THADA: variants seen among roughly 807,000 people sequenced by gnomAD.
THADA encodes tRNA (32-2'-O)-methyltransferase regulator THADA.
Under a neutral mutation model 219.8 loss-of-function variants are expected in THADA, and 213 were observed. The observed-to-expected ratio is 0.97, with a 90% confidence interval of 0.87 to 1.09. THADA has a LOEUF of 1.09. Among genes scored for constraint, THADA ranks in the 50% least tolerant of loss-of-function variants. The pLI is 0.00. For synonymous variants in THADA, 1,018 were observed against 828.9 expected, an observed-to-expected ratio of 1.23 and a Z score of -3.92; for missense variants, 2,956 against 2,311.3, an observed-to-expected ratio of 1.28 and a Z score of -5.72.
intron 25 of THADA, among the ~76,000 whole-genome samples, chr2:43,489,874 CAA>C (rs201735523): frequency 1.6e-3 from 89 of 56,046 alleles, no homozygotes; most frequent in African/African-American, 4.4e-3. Context: ...TTAAGATCTG[CAA>C]AAAAAAAAAA....
chr2:43,586,901 C>T lies in THADA; in HGVS notation c.404G>A (p.Arg135Lys). The change falls in exon 5 of 38, where the codon AGG becomes AAG. Residue 135 changes from arginine (R) to lysine (K), a missense_variant. Transcript: ENST00000405975. ...ELNTTDLYSY[R>K]KVTDNISSCM... is the part of the protein sequence containing the mutation. ...GGAAGAAATATTGTCAGTAACTTTC[C>T]TGTAAGAGTATAAGTCAGTAGTATT... 1.2e-6 allele frequency: 2 copies of T among 1,613,834 alleles called. No individual in the cohort carries two copies. The highest frequency in any genetic ancestry group is 1.7e-6 in the Non-Finnish European group (2 of 1,179,848).
chr2:43,291,477 A>AAAAAAAAAAAAAAAAAAAAAAAAC (rs1674709524), intron 34 of THADA, among the ~76,000 whole-genome samples: 1 of 148,860 alleles, frequency 6.7e-6, no homozygotes, highest in Admixed American at 6.7e-5. Flanking sequence ...AAAAAAAAAA[A>AAAAAAAAAAAAAAAAAAAAAAAAC]AAAAATCCTA....
At chr2:43,464,971 C>T (rs528215336) in intron 26 of THADA, among the ~76,000 whole-genome samples, 36 of 152,074 alleles carry the variant, frequency 2.4e-4, no homozygotes, top group South Asian at 1.0e-3. Flanking sequence ...AAAACCCTGC[C>T]GGCAAAGACC....
chr2:43,320,350 G>T (rs1678555772), intron 31 of THADA, 96 bp downstream of exon 31: 1 of 795,456 alleles, frequency 1.3e-6, no homozygotes, highest in African/African-American at 1.7e-5. Context: ...TACAAAAGTA[G>T]AAGGTGGAGC....
chr2:43,379,038 C>G (rs943976880), intron 29 of THADA, among the ~76,000 whole-genome samples: 2 of 151,916 alleles, frequency 1.3e-5, no homozygotes, highest in Admixed American at 1.3e-4. Context: ...AAATAATGAA[C>G]AGAGAAATTG....
intron 21 of THADA, among the ~76,000 whole-genome samples, chr2:43,533,864 A>C (rs1694215486): frequency 6.6e-6 from 1 of 152,190 alleles, no homozygotes; most frequent in African/African-American, 2.4e-5. Flanking sequence ...CTACGTAACA[A>C]ACCTCACGTT....
chr2:43,352,624 TA>T (rs1179492832), intron 29 of THADA, among the ~76,000 whole-genome samples: 1 of 152,016 alleles, frequency 6.6e-6, no homozygotes, highest in Admixed American at 6.6e-5. Flanking sequence ...TTTTTTAAAA[TA>T]AATTTTATTG....
intron 29 of THADA, among the ~76,000 whole-genome samples, chr2:43,358,301 T>C (rs1669103254): frequency 6.6e-6 from 1 of 152,158 alleles, no homozygotes; most frequent in Non-Finnish European, 1.5e-5. Context: ...ATACTAATTA[T>C]TGGGACAGGT....
intron 10 of THADA, 151 bp downstream of exon 10, chr2:43,576,871 T>C (rs1266699682): frequency 1.2e-5 from 8 of 689,410 alleles, no homozygotes; most frequent in Non-Finnish European, 2.0e-5. Context: ...CCAAGGCTGG[T>C]TTTGAACTCC....
chr2:43,592,085 A>T lies in THADA; in HGVS notation c.77-39T>A, dbSNP rs558393540. 3 of 1,466,136 alleles carry T rather than the reference A, an allele frequency of 2.0e-6. No individual in the cohort carries two copies. In the African/African-American group the frequency reaches 4.3e-5, roughly 21 times the overall value. 90.8% of individuals were successfully genotyped at this position (1,466,136 alleles called of 1,614,324 possible). ...ACAAAAAAAAATTTTCAATGATTTAACAGTGAGTTAACTTTGCCTTTGTTG... is the reference window on the plus strand; with the variant it reads ...ACAAAAAAAAATTTTCAATGATTTATCAGTGAGTTAACTTTGCCTTTGTTG... On this transcript the variant is annotated intron_variant, in intron 2 of 37. Coordinates refer to ENST00000405975, the MANE Select transcript of THADA (RefSeq NM_022065.5).
chr2:43,528,070 C>A, intron 21 of THADA, 82 bp from the exon 22 acceptor site: 1 of 951,066 alleles, frequency 1.1e-6, no homozygotes, highest in South Asian at 1.4e-5. Flanking sequence ...TGTTTAGAAC[C>A]CAGGTCTAGG....
rs1678555105 is a variant in THADA, at chr2:43,320,344, A to G, written c.4438+102T>C. 3 of 776,162 alleles carry G rather than the reference A, an allele frequency of 3.9e-6. No individual in the cohort carries two copies. The South Asian group carries it at 5.6e-5, about 15-fold the overall frequency. 48.1% of individuals were successfully genotyped at this position (776,162 alleles called of 1,614,324 possible). ...ATTTTGATGTGTGGTTAGTCTTACA[A>G]AAGTAGAAGGTGGAGCAGTGTGTGG... On this transcript the variant is annotated intron_variant, in intron 31 of 37. Transcript: ENST00000405975.
chr2:43,537,557 T>A (rs185408673), intron 21 of THADA, among the ~76,000 whole-genome samples: 1 of 152,348 alleles, frequency 6.6e-6, no homozygotes, highest in East Asian at 1.9e-4. Flanking sequence ...TGAATAAACA[T>A]ATATCCCATT....
Position 43,590,957 on chromosome 2 carries a change from A to G in THADA, c.172-3T>C, listed in dbSNP as rs559479315. ...GCTTTCTCCAGCAGAGGCACAATCT[A>G]TAATACAAAACATTGAAGTAATTTT... On this transcript the variant is annotated splice_polypyrimidine_tract_variant and splice_region_variant and intron_variant, in intron 3 of 37. Coordinates refer to ENST00000405975, the MANE Select transcript of THADA (RefSeq NM_022065.5). 27 of 1,608,548 alleles carry G rather than the reference A, an allele frequency of 1.7e-5. No homozygotes were observed. In the Middle Eastern group the frequency reaches 6.7e-4, roughly 40 times the overall value.
At chr2:43,438,277 G>A (rs1680382658) in intron 26 of THADA, among the ~76,000 whole-genome samples, 1 of 145,394 alleles carries the variant, frequency 6.9e-6, no homozygotes, top group South Asian at 2.3e-4. Context: ...ATTCCAGCCT[G>A]GGAGACAGAG....
At chr2:43,365,591 A>G (rs1168801320) in intron 29 of THADA, among the ~76,000 whole-genome samples, 2 of 151,798 alleles carry the variant, frequency 1.3e-5, no homozygotes, top group African/African-American at 4.8e-5. Context: ...ACACACACAC[A>G]CACACACGCA....
At chr2:43,472,972 T>G (rs1392827935) in intron 26 of THADA, among the ~76,000 whole-genome samples, 1 of 152,162 alleles carries the variant, frequency 6.6e-6, no homozygotes, top group East Asian at 1.9e-4. Context: ...CCTGCAGGAC[T>G]GGAAGTTGTT....
At chr2:43,425,336 C>T (rs1040680929) in intron 28 of THADA, among the ~76,000 whole-genome samples, 1 of 152,078 alleles carries the variant, frequency 6.6e-6, no homozygotes, top group African/African-American at 2.4e-5. Context: ...GCTCAGAACA[C>T]TTTCTTTCTT....
rs1217660859 is a variant in THADA at position 43,398,138 on chromosome 2, A to T, written c.4060T>A (p.Cys1354Ser). The change falls in exon 29 of 38, where the codon TGT (cysteine) becomes AGT (serine). Residue 1354 changes from cysteine (C) to serine (S), a missense_variant and splice_region_variant. By Grantham distance (112) the Cys-to-Ser change is moderately radical. Coordinates refer to ENST00000405975, the MANE Select transcript of THADA (RefSeq NM_022065.5). ...MGPFVPFIMR[C>S]GHSPVYHSRE... ...GAGTGGTAGACAGGTGAGTGACCAC[A>T]CCTGGGGAGAAATAAAAACACAAGA... 1 of 1,613,436 alleles carries T rather than the reference A, an allele frequency of 6.2e-7. No individual in the cohort carries two copies. The highest frequency in any genetic ancestry group is 1.7e-5 in the Admixed American group (1 of 60,002).
Sources: allele counts gnomAD v4.1 joint callset (sites outside exome capture counted in the v4.1 genomes callset), GRCh38; gene constraint gnomAD v4.1.1; transcripts MANE v1.5; gene names NCBI Gene and HGNC (gene_info 2026-07-23, HGNC 2026-07-21).